The following GOPC variants were observed in gnomAD, a reference collection of about 807,000 sequenced individuals.
The protein encoded by GOPC is golgi associated PDZ and coiled-coil motif containing.
A neutral mutation model predicts 51.2 loss-of-function variants in GOPC; 32 were observed. That is an observed-to-expected ratio of 0.63 (90% CI 0.47 to 0.84). The LOEUF (loss-of-function observed/expected upper bound fraction) is 0.84. Ranked by LOEUF, GOPC falls within the 40% of genes least tolerant of loss-of-function variation. The pLI, the probability that GOPC is intolerant of heterozygous loss-of-function variation, is 0.00. For missense variants in GOPC, 441 were observed against 555.5 expected (o/e 0.79, Z 2.07); for synonymous variants, 190 against 205.1 (o/e 0.93, Z 0.63).
In GOPC at chr6:117,562,390, G is replaced by A. The variant is rs1172212102; in HGVS notation, c.*864C>T. The A allele has an allele frequency of 5.0e-6, 1 of 199,052 alleles. No individual in the cohort carries two copies. Among genetic ancestry groups the A allele is most frequent in the African/African-American group, 2.3e-5 (1 of 43,438 alleles). The allele number at this position is 199,052 out of a possible 1,614,324, so 12.3% of individuals were successfully genotyped here. A position where few individuals can be genotyped will look rare whatever the true frequency, so the allele number is the denominator to read the frequency against. On this transcript the variant is annotated 3_prime_UTR_variant, in exon 9 of 9. Coordinates refer to ENST00000368498, the MANE Select transcript of GOPC (RefSeq NM_020399.4). The stretch of plus-strand genomic sequence containing the variant: ...CAGAAAAATTTGTCTTTAAGTGCCA[G>A]GACTATCACAAGACAAACTTTATGA...
chr6:117,572,751 G>A (rs144560173), intron 5 of GOPC, among the ~76,000 whole-genome samples: 75 of 152,228 alleles, frequency 4.9e-4, no homozygotes, highest in African/African-American at 1.7e-3. Flanking sequence ...AGTGCTTATC[G>A]CTATCCCCAC....
intron 1 of GOPC, among the ~76,000 whole-genome samples, chr6:117,599,655 A>G (rs1187274380): frequency 1.3e-5 from 2 of 152,264 alleles, no homozygotes; most frequent in Non-Finnish European, 2.9e-5. Flanking sequence ...AGTTTCAAGC[A>G]TAAAAAATAT....
At chr6:117,567,319 TA>T (rs918154834) in intron 7 of GOPC, among the ~76,000 whole-genome samples, 133 of 152,336 alleles carry the variant, frequency 8.7e-4, no homozygotes, top group African/African-American at 3.1e-3. Flanking sequence ...GCTTAATTAT[TA>T]AATTTATAGA....
At chr6:117,594,314 T>G (rs539975148) in intron 1 of GOPC, among the ~76,000 whole-genome samples, 2 of 152,338 alleles carry the variant, frequency 1.3e-5, no homozygotes, top group African/African-American at 4.8e-5. Flanking sequence ...CTATTTCTCT[T>G]AGCTTAATTC....
At chr6:117,593,081 A>G (rs1307970651) in intron 1 of GOPC, among the ~76,000 whole-genome samples, 2 of 152,222 alleles carry the variant, frequency 1.3e-5, no homozygotes, top group Admixed American at 6.5e-5. Context: ...CGGTTGCACC[A>G]TAATTTATGA....
intron 3 of GOPC, 32 bp downstream of exon 3, chr6:117,577,415 CA>C (rs1205463047): frequency 3.2e-6 from 5 of 1,585,244 alleles, no homozygotes; most frequent in Non-Finnish European, 3.4e-6. Flanking sequence ...TTCAGCGTGA[CA>C]TATTAAAGCA....
chr6:117,590,616 T>C (rs1161152293), intron 1 of GOPC, among the ~76,000 whole-genome samples: 1 of 149,586 alleles, frequency 6.7e-6, no homozygotes, highest in Non-Finnish European at 1.5e-5. Flanking sequence ...ACATTTCCAA[T>C]TGTGATGCAA....
chr6:117,598,840 C>T (rs1319310152), intron 1 of GOPC, among the ~76,000 whole-genome samples: 1 of 152,076 alleles, frequency 6.6e-6, no homozygotes, highest in African/African-American at 2.4e-5. Context: ...TTCTATAGCA[C>T]CATAAGATGA....
intron 8 of GOPC, among the ~76,000 whole-genome samples, chr6:117,565,117 G>T (rs1169279191): frequency 6.6e-6 from 1 of 152,064 alleles, no homozygotes; most frequent in African/African-American, 2.4e-5. Flanking sequence ...AATAAATCCA[G>T]AAGGTTAATA....
intron 1 of GOPC, among the ~76,000 whole-genome samples, chr6:117,590,038 G>C (rs1486522134): frequency 6.6e-6 from 1 of 152,136 alleles, no homozygotes; most frequent in Non-Finnish European, 1.5e-5. Context: ...TTCAGCAATG[G>C]AGCAGGCACT....
At position 117,570,887 on chromosome 6, in the gene GOPC, A is replaced by T; in HGVS notation, c.885T>A (p.Asp295Glu). Residue 295 changes from aspartate to glutamate, a missense_variant, in exon 6 of 9, where the codon GAT (aspartate) becomes GAA (glutamate). Asp to Glu is a conservative substitution (Grantham distance 45, BLOSUM62 2). Coordinates refer to ENST00000368498, the MANE Select transcript of GOPC (RefSeq NM_020399.4). ...TAATTGAAATGCCAAGGCCTTCATGATCTTCCTTAAGGAGGAGAACTTTTC... is the reference window on the plus strand; with the variant it reads ...TAATTGAAATGCCAAGGCCTTCATGTTCTTCCTTAAGGAGGAGAACTTTTC... ...PIRKVLLLKE[D>E]HEGLGISITG... 2 of 1,590,134 alleles carry T rather than the reference A, an allele frequency of 1.3e-6. No homozygotes were observed. The highest frequency in any genetic ancestry group is 1.7e-6 in the Non-Finnish European group (2 of 1,163,558).
intron 8 of GOPC, among the ~76,000 whole-genome samples, chr6:117,566,389 A>G (rs116269223): frequency 8.7e-4 from 133 of 152,298 alleles, no homozygotes; most frequent in African/African-American, 3.1e-3. Flanking sequence ...AATGATAGCA[A>G]AGGAACTAAA....
At chr6:117,592,916 A>G (rs953105614) in intron 1 of GOPC, among the ~76,000 whole-genome samples, 1 of 152,094 alleles carries the variant, frequency 6.6e-6, no homozygotes, top group African/African-American at 2.4e-5. Context: ...TCTCCTTTTC[A>G]TCAGCCCCAT....
chr6:117,576,604 T>C (rs1779884046), intron 3 of GOPC, among the ~76,000 whole-genome samples: 2 of 152,202 alleles, frequency 1.3e-5, no homozygotes, highest in Admixed American at 1.3e-4. Flanking sequence ...AATGAGCTAT[T>C]TATACTACAT....
At chr6:117,568,559 G>A (rs923765292) in intron 7 of GOPC, among the ~76,000 whole-genome samples, 1 of 152,194 alleles carries the variant, frequency 6.6e-6, no homozygotes, top group Non-Finnish European at 1.5e-5. Context: ...TAACTTAAGA[G>A]AATAGCGTAG....
rs1404361322 is a variant in GOPC, at chr6:117,602,205, T to C, written c.84A>G (p.Val28=). ...GCACCTCCAGCCACCGGAACATGGA[T>C]ACCCCGCCAGGGGCCCCCACGGAGC... ...ASCSVGAPGG[V]SMFRWLEVLE... Residue 28 remains valine, a synonymous_variant, in exon 1 of 9, where the codon GTA becomes GTG. Transcript: ENST00000368498. 1.9e-6 allele frequency: 3 copies of C among 1,609,936 alleles called. No individual in the cohort carries two copies. In the East Asian group the frequency reaches 6.7e-5, roughly 36 times the overall value.
intron 1 of GOPC, among the ~76,000 whole-genome samples, chr6:117,593,940 A>G (rs9489224): frequency 0.016 from 2,398 of 152,156 alleles, 49 homozygotes; most frequent in African/African-American, 0.055. Flanking sequence ...ACTCCACACT[A>G]TCATAATCTC....
At position 117,570,941 on chromosome 6, in the gene GOPC, TAGG is replaced by T. The variant is rs1226949572; in HGVS notation, c.828_830del (p.Leu277del). 6.3e-7 allele frequency: 1 copy of T among 1,591,456 alleles called. No individual in the cohort carries two copies. The highest frequency in any genetic ancestry group is 8.6e-7 in the Non-Finnish European group (1 of 1,163,274). On this transcript the variant is annotated inframe_deletion, in exon 6 of 9. Coordinates refer to ENST00000368498, the MANE Select transcript of GOPC (RefSeq NM_020399.4). ...TTGGACCAACACCTTGGCTTTTCTT[TAGG>T]GAATCTTGATCCTTATTGGGAGGAA...
At chr6:117,579,183 G>A in intron 1 of GOPC, 119 bp from the exon 2 acceptor site, 1 of 737,334 alleles carries the variant, frequency 1.4e-6, no homozygotes, top group South Asian at 2.2e-5. Flanking sequence ...ACAAACATTA[G>A]AATAATATTA....
Sources: allele counts gnomAD v4.1 joint callset (sites outside exome capture counted in the v4.1 genomes callset), GRCh38; gene constraint gnomAD v4.1.1; transcripts MANE v1.5; gene names NCBI Gene and HGNC (gene_info 2026-07-23, HGNC 2026-07-21).